DNAJC13: variants seen among roughly 807,000 people sequenced by gnomAD.
The protein encoded by DNAJC13 is dnaJ homolog subfamily C member 13.
A neutral mutation model predicts 290.5 loss-of-function variants in DNAJC13; 75 were observed. The observed-to-expected ratio is 0.26, with a 90% CI of 0.21 to 0.31. The LOEUF (loss-of-function observed/expected upper bound fraction) is 0.31, where lower values mean the gene tolerates loss of function less well. DNAJC13 is among the 10% of genes least tolerant of loss of function. The pLI is 1.00. For missense variants in DNAJC13, 2,260 were observed against 2,674.5 expected (o/e 0.85, Z 3.42); for synonymous variants, 862 against 892.0 (o/e 0.97, Z 0.60).
chr3:132,470,597 C>A (rs1335240151), intron 20 of DNAJC13, among the ~76,000 whole-genome samples: 4 of 139,156 alleles, frequency 2.9e-5, no homozygotes, highest in African/African-American at 5.5e-5. Flanking sequence ...CCGGACGGGG[C>A]GGCTGGCCGG....
At position 132,513,059 on chromosome 3, in the gene DNAJC13, G is replaced by A. The variant is rs751352556; in HGVS notation, c.5345G>A (p.Arg1782Gln). 8.1e-6 allele frequency: 13 copies of A among 1,613,284 alleles called. No homozygotes were observed. The highest frequency in any genetic ancestry group is 6.6e-5 in the South Asian group (6 of 91,054). The change falls in exon 45 of 56, where the codon CGA becomes CAA. Residue 1782 changes from arginine to glutamine, a missense_variant. By Grantham distance (43) the Arg-to-Gln change is conservative. Transcript: ENST00000260818. Reference sequence around the variant, plus strand: ...TTTAAGTTGATATTTTCTCTTCTCCGAGTTCATGGAGCTGGTCAAGTGCAG... The same window carrying A: ...TTTAAGTTGATATTTTCTCTTCTCCAAGTTCATGGAGCTGGTCAAGTGCAG... ...GHFKLIFSLL[R>Q]VHGAGQVQQL...
chr3:132,522,660 A>G (rs1236608023), intron 48 of DNAJC13, among the ~76,000 whole-genome samples, 168 bp from the exon 49 acceptor site: 2 of 152,228 alleles, frequency 1.3e-5, no homozygotes, highest in African/African-American at 4.8e-5. Context: ...GTACCTTTGC[A>G]TAAACCGAGG....
Position 132,470,880 on chromosome 3 carries a change from C to T in DNAJC13, c.2209-2265C>T, listed in dbSNP as rs1328835515. On this transcript the variant is annotated intron_variant, in intron 20 of 55. Coordinates refer to ENST00000260818, the MANE Select transcript of DNAJC13 (RefSeq NM_015268.4). ...CTCCCTCCCGGACAGGGCGGCCGGC[C>T]GGGCGGGGGGCTGACCCCCCCACCT... Among the ~76,000 whole-genome samples, 4 of 134,010 alleles carry T rather than the reference C, an allele frequency of 3.0e-5. No individual in the cohort carries two copies. The South Asian group carries it at 7.4e-4, about 25-fold the overall frequency. The allele number at this position is 134,010 out of a possible 152,430, so 87.9% of individuals were successfully genotyped here.
intron 25 of DNAJC13, 66 bp from the exon 26 acceptor site, chr3:132,480,303 C>A: frequency 9.4e-7 from 1 of 1,061,330 alleles, no homozygotes; most frequent in Non-Finnish European, 1.4e-6. Context: ...GGGAAAGGTA[C>A]TATTGGGATA....
At chr3:132,532,912 A>AATTATGATTATTATTATTATT (rs1553753685) in intron 55 of DNAJC13, among the ~76,000 whole-genome samples, 1 of 141,828 alleles carries the variant, frequency 7.1e-6, no homozygotes, top group Non-Finnish European at 1.5e-5. Context: ...TAATTTTTGT[A>AATTATGATTATTATTATTATT]ATTATTATTA....
chr3:132,478,214 T>C, intron 24 of DNAJC13, 74 bp downstream of exon 24: 2 of 1,305,188 alleles, frequency 1.5e-6, no homozygotes, highest in South Asian at 3.2e-5. Flanking sequence ...AAAACTAAAT[T>C]TAAATTCTGT....
rs1157123311 is a variant in DNAJC13 at position 132,538,459 on chromosome 3, A to T, written c.*177A>T. The T allele has an allele frequency of 1.3e-5, 7 of 523,274 alleles. No individual in the cohort carries two copies. In the African/African-American group the frequency reaches 1.4e-4, roughly 10 times the overall value. The allele number at this position is 523,274 out of a possible 1,614,324, so 32.4% of individuals were successfully genotyped here. A position where few individuals can be genotyped will look rare whatever the true frequency, so the allele number is the denominator to read the frequency against. On this transcript the variant is annotated 3_prime_UTR_variant, in exon 56 of 56. Transcript: ENST00000260818. ...AGTGATCCTAATTGTATCACATTAT[A>T]AGAAAGCACTCTGTGGATCAACATA...
Position 132,457,265 on chromosome 3 carries a change from A to G in DNAJC13, c.1350-4A>G. ...TAGTATATGCTTGTTTTTTGTTCCA[A>G]AAGGTTTCGCGAGCGTCTAGGGGTG... On this transcript the variant is annotated splice_region_variant and splice_polypyrimidine_tract_variant and intron_variant, in intron 12 of 55. Transcript: ENST00000260818. 1 of 1,594,256 alleles carries G rather than the reference A, an allele frequency of 6.3e-7. No homozygotes were observed. Among genetic ancestry groups the G allele is most frequent in the Non-Finnish European group, 8.5e-7 (1 of 1,173,924 alleles).
chr3:132,476,241 A>T (rs989570695), intron 22 of DNAJC13, among the ~76,000 whole-genome samples: 1 of 152,180 alleles, frequency 6.6e-6, no homozygotes, highest in African/African-American at 2.4e-5. Context: ...TGGATATCTG[A>T]TAAGTATCTA....
Position 132,505,396 on chromosome 3 carries a change from A to G in DNAJC13, c.4979A>G (p.Gln1660Arg). ...AELLEFLESQ[Q>R]ENMIKKGDCD... ...TTACTTGAATTTCTTGAATCCCAACAAGAAAACATGATTAAAAAAGTATGT... is the reference window on the plus strand; with the variant it reads ...TTACTTGAATTTCTTGAATCCCAACGAGAAAACATGATTAAAAAAGTATGT... The change falls in exon 42 of 56, where the codon CAA becomes CGA. Residue 1660 changes from glutamine (Q) to arginine (R), a missense_variant. Gln to Arg is a conservative substitution (Grantham distance 43, BLOSUM62 1). Transcript: ENST00000260818. 1 of 1,595,466 alleles carries G rather than the reference A, an allele frequency of 6.3e-7. No individual in the cohort carries two copies. The highest frequency in any genetic ancestry group is 8.6e-7 in the Non-Finnish European group (1 of 1,166,000).
Position 132,492,445 on chromosome 3 carries a change from C to A in DNAJC13, c.3655C>A (p.Leu1219Ile), listed in dbSNP as rs1369533314. 1.9e-6 allele frequency: 3 copies of A among 1,613,864 alleles called. No individual in the cohort carries two copies. The change falls in exon 33 of 56, where the codon CTC becomes ATC. Residue 1219 changes from leucine to isoleucine, a missense_variant. Physicochemically the swap from Leu to Ile is conservative, Grantham distance 5. Around this residue, in one of 3 missense-constraint regions of DNAJC13, gnomAD observed 1,494 missense variants for 1,693.7 expected, o/e 0.88. Transcript: ENST00000260818. The part of the protein sequence containing the change: ...RLMIEKIAAH[L>I]ADFTPRLQSN... ...GATGATAGAGAAGATTGCTGCCCAT[C>A]TCGCGGATTTCACACCTCGTCTTCA...
chr3:132,496,455 A>G, intron 35 of DNAJC13, 73 bp from the exon 36 acceptor site: 1 of 1,318,588 alleles, frequency 7.6e-7, no homozygotes, highest in Non-Finnish European at 1.0e-6. Flanking sequence ...ATAAAATGCA[A>G]ACCATATGTC....
chr3:132,537,130 G>A (rs1286195586), intron 55 of DNAJC13: 6 of 456,066 alleles, frequency 1.3e-5, no homozygotes, highest in Non-Finnish European at 2.6e-5. Flanking sequence ...AACTTCCCTT[G>A]CTGCTTATAT....
intron 2 of DNAJC13, 143 bp from the exon 3 acceptor site, chr3:132,446,332 A>C (rs1327098488): frequency 1.8e-6 from 1 of 566,872 alleles, no homozygotes; most frequent in African/African-American, 2.0e-5. Context: ...AAAGGTGAGA[A>C]TATATAACTA....
At chr3:132,450,166 A>G (rs1343564890) in intron 5 of DNAJC13, among the ~76,000 whole-genome samples, 1 of 150,886 alleles carries the variant, frequency 6.6e-6, no homozygotes, top group African/African-American at 2.4e-5. Context: ...TTTTTTTTGT[A>G]TGTGGAAATA....
intron 21 of DNAJC13, among the ~76,000 whole-genome samples, chr3:132,474,048 C>A (rs915070614): frequency 5.9e-5 from 9 of 152,144 alleles, no homozygotes; most frequent in African/African-American, 2.2e-4. Context: ...TTACTCCAAG[C>A]ATATGAGGAA....
intron 2 of DNAJC13, among the ~76,000 whole-genome samples, chr3:132,435,384 A>G (rs1055076451): frequency 3.9e-5 from 6 of 152,232 alleles, no homozygotes; most frequent in African/African-American, 1.2e-4. Context: ...ATCGTGCCAC[A>G]AGGTAAAATG....
intron 39 of DNAJC13, 126 bp downstream of exon 39, chr3:132,501,039 C>A: frequency 8.0e-7 from 1 of 1,244,808 alleles, no homozygotes; most frequent in Admixed American, 2.3e-5. Flanking sequence ...ATTTGGATTT[C>A]TAAAAGCATT....
chr3:132,505,727 A>G (rs898309862), intron 42 of DNAJC13, among the ~76,000 whole-genome samples: 3 of 152,304 alleles, frequency 2.0e-5, no homozygotes, highest in African/African-American at 7.2e-5. Context: ...GCTTTCCAGT[A>G]TCAAGACTGA....
Sources: gnomAD v4.1 joint callset for allele counts (sites outside exome capture counted in the v4.1 genomes callset) on GRCh38, gnomAD v4.1.1 for gene constraint, gnomAD v4.1.1 regional missense constraint, MANE v1.5 for transcripts, NCBI Gene and HGNC (gene_info 2026-07-23, HGNC 2026-07-21) for gene names.